The following TASP1 variants were observed in gnomAD, a reference collection of about 807,000 sequenced individuals.
TASP1 encodes threonine aspartase 1.
A neutral mutation model predicts 56.6 loss-of-function variants in TASP1; 16 were observed. The observed-to-expected ratio is 0.28, with a 90% CI of 0.19 to 0.43. The LOEUF (loss-of-function observed/expected upper bound fraction) is 0.43, where lower values mean the gene tolerates loss of function less well. Ranked by LOEUF, TASP1 falls within the 20% of genes least tolerant of loss-of-function variation. The probability of loss-of-function intolerance (pLI) is 1.00; values close to 1 mark genes in which losing one functional copy is unlikely to be tolerated. For synonymous variants in TASP1, 179 were observed against 184.2 expected (o/e 0.97, Z 0.23); for missense variants, 393 against 511.6 (o/e 0.77, Z 2.24).
At chr20:13,309,779 C>T in the TASP1 span, among the ~76,000 whole-genome samples, 1 of 151,742 alleles carries the variant, frequency 6.6e-6, no homozygotes, top group African/African-American at 2.4e-5. Flanking sequence ...ATAAAAAAAT[C>T]AGCAATGTTT....
the TASP1 span, among the ~76,000 whole-genome samples, chr20:13,207,840 CAT>C: frequency 2.0e-5 from 3 of 152,106 alleles, no homozygotes; most frequent in South Asian, 2.1e-4. Context: ...CACGTTGACA[CAT>C]AAAATCAATC....
chr20:13,473,244 A>G lies in TASP1; in HGVS notation c.985+9983T>C, dbSNP rs542826899. ...CAGCAAACTATTGCAAGGACAAAAA[A>G]CCAAACACCGCATGTTCTCACTCAT... is the stretch of plus-strand genomic sequence containing the variant. On this transcript the variant is annotated intron_variant, in intron 11 of 13. Transcript: ENST00000337743. Among the ~76,000 whole-genome samples the G allele has an allele frequency of 3.8e-4, 58 of 151,716 alleles. No homozygotes were observed. In the South Asian group the frequency reaches 0.012, roughly 31 times the overall value.
chr20:13,247,367 G>A, the TASP1 span, among the ~76,000 whole-genome samples: 218 of 152,300 alleles, frequency 1.4e-3, no homozygotes, highest in African/African-American at 5.0e-3. Flanking sequence ...GTGTCAGCGT[G>A]TCCCTTCCTG....
intron 4 of TASP1, among the ~76,000 whole-genome samples, chr20:13,618,921 G>T (rs1396295738): frequency 6.6e-6 from 1 of 151,566 alleles, no homozygotes; most frequent in Non-Finnish European, 1.5e-5. Flanking sequence ...AGGCTGGAGT[G>T]CAGTGGCACA....
chr20:13,566,778 A>C (rs1054667574), intron 7 of TASP1, among the ~76,000 whole-genome samples: 3 of 152,180 alleles, frequency 2.0e-5, no homozygotes, highest in Non-Finnish European at 4.4e-5. Context: ...AAGTCAAAAG[A>C]TAAGACACTG....
chr20:13,404,738 T>C (rs2041854698), intron 13 of TASP1, among the ~76,000 whole-genome samples: 1 of 152,206 alleles, frequency 6.6e-6, no homozygotes, highest in African/African-American at 2.4e-5. Context: ...ACATTCAAAA[T>C]GATTAAGAAT....
At chr20:13,564,491 AAG>A (rs2046447579) in intron 7 of TASP1, among the ~76,000 whole-genome samples, 1 of 152,146 alleles carries the variant, frequency 6.6e-6, no homozygotes, top group Non-Finnish European at 1.5e-5. Context: ...TAATATTGTT[AAG>A]ATGTCAGTAC....
chr20:13,301,550 A>G, the TASP1 span, among the ~76,000 whole-genome samples: 1 of 152,148 alleles, frequency 6.6e-6, no homozygotes, highest in African/African-American at 2.4e-5. Flanking sequence ...CAGAATATTT[A>G]TATTTAAGAT....
intron 11 of TASP1, among the ~76,000 whole-genome samples, chr20:13,446,585 C>G (rs1001905946): frequency 5.3e-5 from 8 of 152,036 alleles, no homozygotes; most frequent in African/African-American, 1.9e-4. Flanking sequence ...ATCAAGAGTT[C>G]CTTGTAGGCA....
chr20:13,436,812 G>A (rs1381175291), intron 11 of TASP1, among the ~76,000 whole-genome samples: 5 of 151,986 alleles, frequency 3.3e-5, no homozygotes, highest in Middle Eastern at 3.2e-3. Context: ...ACGTGTCCTC[G>A]ACTTAGGGTA....
chr20:13,602,168 C>T lies in TASP1; in HGVS notation c.283-14798G>A, dbSNP rs1319626304. Among the ~76,000 whole-genome samples, 4 of 151,554 alleles carry T rather than the reference C, an allele frequency of 2.6e-5. No individual in the cohort carries two copies. In the South Asian group the frequency reaches 8.3e-4, roughly 32 times the overall value. ...TGCTGGGATTACAGGCGTGAGCCAC[C>T]GCACCCGGCCACCCATAACCCCATT... On this transcript the variant is annotated intron_variant, in intron 4 of 13. Coordinates refer to ENST00000337743, the MANE Select transcript of TASP1 (RefSeq NM_017714.3).
chr20:13,271,838 G>A, the TASP1 span, among the ~76,000 whole-genome samples: 7 of 148,552 alleles, frequency 4.7e-5, no homozygotes, highest in Non-Finnish European at 4.5e-5. Flanking sequence ...ACAATGGCAC[G>A]ATCATAGCTT....
At chr20:13,123,329 T>TA in the TASP1 span, among the ~76,000 whole-genome samples, 14,934 of 143,598 alleles carry the variant, frequency 0.1, 1,376 homozygotes, top group African/African-American at 0.25. Flanking sequence ...AGACTCTGTC[T>TA]AAAAAAAAAA....
the TASP1 span, chr20:13,299,650 C>G: frequency 1.8e-6 from 1 of 560,354 alleles, no homozygotes; most frequent in Non-Finnish European, 3.1e-6. This position sits in a 1 kb window ranked among gnomAD's most constrained non-coding sequence, Gnocchi z 5.8. Context: ...AAGCCGCCCT[C>G]GCCATCTGCA....
the TASP1 span, among the ~76,000 whole-genome samples, chr20:13,185,380 C>T: frequency 1.3e-5 from 2 of 152,018 alleles, no homozygotes; most frequent in South Asian, 2.1e-4. Context: ...TCTTAGGTTC[C>T]GCCTTCCTCA....
intron 12 of TASP1, 138 bp downstream of exon 12, chr20:13,434,906 G>C (rs1263700995): frequency 5.3e-6 from 3 of 564,620 alleles, no homozygotes; most frequent in Non-Finnish European, 9.5e-6. Flanking sequence ...AAGATCAGTA[G>C]AACAGGGATG....
chr20:13,204,520 T>C, the TASP1 span, among the ~76,000 whole-genome samples: 2 of 145,232 alleles, frequency 1.4e-5, no homozygotes, highest in Non-Finnish European at 3.0e-5. Context: ...ATCCTGGATT[T>C]ATATATTCAT....
chr20:13,384,798 T>C (rs1161553159), downstream of TASP1, among the ~76,000 whole-genome samples: 1 of 152,196 alleles, frequency 6.6e-6, no homozygotes, highest in African/African-American at 2.4e-5. Context: ...AACTTAATCA[T>C]ACACATTAAT....
the TASP1 span, among the ~76,000 whole-genome samples, chr20:13,316,423 T>A: frequency 1.9e-4 from 29 of 152,074 alleles, no homozygotes; most frequent in African/African-American, 6.5e-4. Context: ...GTAGAGGGAA[T>A]TATTATTAAC....
Sources: gnomAD v4.1 joint callset for allele counts (sites outside exome capture counted in the v4.1 genomes callset) on GRCh38, gnomAD v4.1.1 for gene constraint, Gnocchi (gnomAD v3.1) non-coding constraint, MANE v1.5 for transcripts, NCBI Gene and HGNC (gene_info 2026-07-23, HGNC 2026-07-21) for gene names.